Variants in CGREF1 observed in about 807,000 individuals in gnomAD.
CGREF1 encodes the protein cell growth regulator with EF hand domain protein 1.
CGREF1 carries 16 observed loss-of-function variants against 17.4 expected under a neutral mutation model. The ratio of observed to expected loss-of-function variants is 0.92; its 90% CI spans 0.62 to 1.40. The LOEUF (loss-of-function observed/expected upper bound fraction) is 1.40, where lower values mean the gene tolerates loss of function less well. Ranked by LOEUF, CGREF1 falls within the 40% of genes most tolerant of loss-of-function variation. The pLI is 0.00. For missense variants in CGREF1, 296 were observed against 376.4 expected (o/e 0.79, Z 1.77); for synonymous variants, 142 against 154.6 (o/e 0.92, Z 0.61).
chr2:27,110,959 A>T (rs1249292807), intron 1 of CGREF1: 1 of 152,378 alleles, frequency 6.6e-6, no homozygotes, highest in Admixed American at 6.5e-5. Flanking sequence ...CGCTGGCTTC[A>T]GGAGTAAAGC....
chr2:27,104,574 G>T, intron 1 of CGREF1, 197 bp from the exon 2 acceptor site: 1 of 1,550,618 alleles, frequency 6.4e-7, no homozygotes, highest in South Asian at 1.2e-5. Context: ...TGTCACTCCA[G>T]CTCTTGTATA....
intron 1 of CGREF1, among the ~76,000 whole-genome samples, chr2:27,114,482 G>A (rs1290562785): frequency 2.0e-5 from 3 of 152,188 alleles, no homozygotes; most frequent in Non-Finnish European, 2.9e-5. Context: ...AGTCTAACTC[G>A]CCTCCCCTTG....
Position 27,102,218 on chromosome 2 carries a change from A to T in CGREF1, c.221T>A (p.Leu74His). The change falls in exon 5 of 6, where the codon CTC becomes CAC. Residue 74 changes from leucine (L) to histidine (H), a missense_variant. Around this residue, in one of 3 missense-constraint regions of CGREF1, gnomAD observed 247 missense variants for 267.2 expected, o/e 0.92. Transcript: ENST00000402394. Reference sequence around the variant, plus strand: ...GTCATGGAGGGCAAAGAGGTAGAGGAGAACTAAAGAGAAGAGAAGCTGGAT... The same window carrying T: ...GTCATGGAGGGCAAAGAGGTAGAGGTGAACTAAAGAGAAGAGAAGCTGGAT... Reference protein sequence around the residue: ...QLEHLSREQVLLYLFALHDYD... With the variant: ...QLEHLSREQVHLYLFALHDYD... The T allele has an allele frequency of 6.2e-7, 1 of 1,610,530 alleles. No individual in the cohort carries two copies. Among genetic ancestry groups the T allele is most frequent in the African/African-American group, 1.3e-5 (1 of 74,980 alleles).
intron 1 of CGREF1, among the ~76,000 whole-genome samples, chr2:27,117,196 C>T (rs1002614686): frequency 2.0e-5 from 3 of 152,132 alleles, no homozygotes; most frequent in African/African-American, 7.2e-5. Flanking sequence ...CAGGCATGAG[C>T]CACTGCACCT....
intron 5 of CGREF1, 41 bp downstream of exon 5, chr2:27,102,056 G>A (rs370974699): frequency 9.4e-5 from 148 of 1,577,962 alleles, no homozygotes; most frequent in Non-Finnish European, 1.3e-4. Context: ...CCAAAGTGCT[G>A]GGTCTCCTTT....
At chr2:27,104,577 C>T (rs1671044113) in intron 1 of CGREF1, 200 bp from the exon 2 acceptor site, 1 of 1,550,502 alleles carries the variant, frequency 6.4e-7, no homozygotes. Context: ...CACTCCAGCT[C>T]TTGTATATAA....
At chr2:27,099,416 G>T (rs374116984), downstream of CGREF1, 21 of 1,613,692 alleles carry the variant, frequency 1.3e-5, no homozygotes, top group Non-Finnish European at 1.6e-5. Context: ...GAGCCGTCTT[G>T]CAGGGCTGTG....
rs199914808 is a variant in CGREF1 at position 27,102,595 on chromosome 2, G to A, written c.81-4C>T. ...ATGCTGCACTTCAGAGTCTGGCCTG[G>A]AGGAGGAAGGGGAGGACCAGCCTTG... On this transcript the variant is annotated splice_polypyrimidine_tract_variant and splice_region_variant and intron_variant, in intron 2 of 5. Coordinates refer to ENST00000402394, the MANE Select transcript of CGREF1 (RefSeq NM_006569.6). The A allele has an allele frequency of 1.6e-5, 25 of 1,610,618 alleles. No homozygotes were observed. The highest frequency in any genetic ancestry group is 2.0e-5 in the Non-Finnish European group (24 of 1,179,558).
rs778795964 is a variant in CGREF1 at position 27,101,527 on chromosome 2, G to C, written c.704C>G (p.Ala235Gly). The change falls in exon 6 of 6, where the codon GCC becomes GGC. Residue 235 changes from alanine to glycine, a missense_variant. Transcript: ENST00000402394. ...CCCAGCTTCCCCTCTGGGCCCAGGG[G>C]CATCTCCTTTAGCCTCTGCCTGGCC... Reference protein sequence around the residue: ...AEGQAEAKGDAPGPRGEAGGQ... With the variant: ...AEGQAEAKGDGPGPRGEAGGQ... 1.2e-6 allele frequency: 2 copies of C among 1,605,556 alleles called. No homozygotes were observed. The highest frequency in any genetic ancestry group is 1.7e-6 in the Non-Finnish European group (2 of 1,177,838).
intron 1 of CGREF1, among the ~76,000 whole-genome samples, chr2:27,110,158 G>A (rs1671306681): frequency 6.6e-6 from 1 of 151,610 alleles, no homozygotes; most frequent in South Asian, 2.1e-4. Context: ...AGGAGTTTGA[G>A]ACCAGCCTGG....
intron 5 of CGREF1, 51 bp from the exon 6 acceptor site, chr2:27,101,939 G>A (rs1189622121): frequency 6.3e-7 from 1 of 1,593,394 alleles, no homozygotes; most frequent in Non-Finnish European, 8.5e-7. Flanking sequence ...ATGTTCCCAG[G>A]AGTTCTGACC....
chr2:27,102,286 G>C, intron 4 of CGREF1, 65 bp from the exon 5 acceptor site: 1 of 1,612,498 alleles, frequency 6.2e-7, no homozygotes, highest in Non-Finnish European at 8.5e-7. Flanking sequence ...GGAGTCAATG[G>C]GGCAGCCGAG....
intron 1 of CGREF1, among the ~76,000 whole-genome samples, chr2:27,115,699 A>G (rs962530052): frequency 6.6e-6 from 1 of 152,216 alleles, no homozygotes. Flanking sequence ...TCACCTGGGC[A>G]TTCAAGGCCT....
chr2:27,101,987 C>T, intron 5 of CGREF1, 99 bp from the exon 6 acceptor site: 1 of 1,560,590 alleles, frequency 6.4e-7, no homozygotes, highest in Non-Finnish European at 8.7e-7. Flanking sequence ...CGTGCAAGCT[C>T]TGAGCCCTCC....
intron 1 of CGREF1, among the ~76,000 whole-genome samples, chr2:27,118,171 T>C (rs13385324): frequency 0.044 from 6,639 of 152,138 alleles, 498 homozygotes; most frequent in African/African-American, 0.15. Flanking sequence ...CTTGCAGGGT[T>C]ATCCTGGGTA....
At chr2:27,116,543 A>C (rs1409252973) in intron 1 of CGREF1, among the ~76,000 whole-genome samples, 1 of 151,864 alleles carries the variant, frequency 6.6e-6, no homozygotes, top group Non-Finnish European at 1.5e-5. Flanking sequence ...AGAGAGAAAA[A>C]AAAAAGTAAA....
At chr2:27,102,914 A>C (rs1003957304) in intron 2 of CGREF1, 1 of 985,136 alleles carries the variant, frequency 1.0e-6, no homozygotes, top group Non-Finnish European at 1.2e-6. Context: ...AGTGAGTGGC[A>C]GGACAACATG....
At chr2:27,108,358 T>TA in intron 1 of CGREF1, among the ~76,000 whole-genome samples, 1 of 152,276 alleles carries the variant, frequency 6.6e-6, no homozygotes, top group South Asian at 2.1e-4. Flanking sequence ...TAGATCTGAA[T>TA]AAATTATCCA....
Position 27,104,378 on chromosome 2 carries a change from C to A in CGREF1, c.-11-1G>T. On this transcript the variant is annotated splice_acceptor_variant, in intron 1 of 5. Coordinates refer to ENST00000402394, the MANE Select transcript of CGREF1 (RefSeq NM_006569.6). LOFTEE classifies it low-confidence loss of function (5UTR_SPLICE). ...GTCAAAGGTAACATCCTTCCTGGAA[C>A]TGGAACAAGGAAGAGAATCAGGGGT... The A allele has an allele frequency of 6.2e-7, 1 of 1,613,738 alleles. No homozygotes were observed.
Sources: gnomAD v4.1 joint callset for allele counts (sites outside exome capture counted in the v4.1 genomes callset) on GRCh38, gnomAD v4.1.1 for gene constraint, gnomAD v4.1.1 regional missense constraint, MANE v1.5 for transcripts, NCBI Gene and HGNC (gene_info 2026-07-23, HGNC 2026-07-21) for gene names.